Variants in CFAP299 observed in about 807,000 individuals in gnomAD.
The protein encoded by CFAP299 is cilia- and flagella-associated protein 299.
In CFAP299, 21 loss-of-function variants were observed where a neutral mutation model predicts 27.0. The ratio of observed to expected loss-of-function variants is 0.78; its 90% CI spans 0.55 to 1.12. The LOEUF (loss-of-function observed/expected upper bound fraction) is 1.12, where lower values mean the gene tolerates loss of function less well. CFAP299 is among the 50% of genes most tolerant of loss of function. The pLI is 0.00. For synonymous variants in CFAP299, 104 were observed against 98.1 expected (o/e 1.06, Z -0.36); for missense variants, 310 against 276.6 (o/e 1.12, Z -0.86).
chr4:80,553,582 T>C (rs1367093225), intron 2 of CFAP299, among the ~76,000 whole-genome samples: 1 of 152,214 alleles, frequency 6.6e-6, no homozygotes, highest in Non-Finnish European at 1.5e-5. Context: ...GGAATCACCA[T>C]ACTGCTTTCC....
chr4:80,606,407 C>T (rs1017697675), intron 3 of CFAP299, among the ~76,000 whole-genome samples: 5 of 151,942 alleles, frequency 3.3e-5, no homozygotes, highest in Non-Finnish European at 7.4e-5. Flanking sequence ...TGGTGGCAGG[C>T]GCCTGTAATC....
chr4:80,854,701 G>A (rs1731723822), intron 3 of CFAP299, among the ~76,000 whole-genome samples: 1 of 149,270 alleles, frequency 6.7e-6, no homozygotes, highest in Admixed American at 6.8e-5. Flanking sequence ...AGTTTGATGA[G>A]AGAGAAGATA....
At chr4:80,346,073 T>C (rs976397149) in intron 1 of CFAP299, among the ~76,000 whole-genome samples, 1 of 152,258 alleles carries the variant, frequency 6.6e-6, no homozygotes, top group African/African-American at 2.4e-5. Context: ...AAATGTCTTC[T>C]TTTGAGAAGT....
chr4:80,700,970 A>G (rs139443820), intron 3 of CFAP299, among the ~76,000 whole-genome samples: 2 of 152,168 alleles, frequency 1.3e-5, no homozygotes, highest in Admixed American at 1.3e-4. Flanking sequence ...TTATCTTTAT[A>G]GATCCTCAGA....
intron 3 of CFAP299, among the ~76,000 whole-genome samples, chr4:80,732,072 C>CACACAG (rs778896134): frequency 4.2e-4 from 59 of 139,978 alleles, no homozygotes; most frequent in African/African-American, 1.6e-3. Flanking sequence ...GACACACAGA[C>CACACAG]ACACACACAC....
chr4:80,688,114 G>A (rs1395146035), intron 3 of CFAP299, among the ~76,000 whole-genome samples: 1 of 152,238 alleles, frequency 6.6e-6, no homozygotes, highest in African/African-American at 2.4e-5. Flanking sequence ...GGCTGGGGGA[G>A]GGGCGCCCGC....
At chr4:80,473,156 CAG>C (rs1730093124) in intron 2 of CFAP299, among the ~76,000 whole-genome samples, 1 of 152,048 alleles carries the variant, frequency 6.6e-6, no homozygotes, top group African/African-American at 2.4e-5. Context: ...CCTGGGAACT[CAG>C]AGGAGGCACC....
At chr4:80,917,119 C>G (rs1735806247) in intron 4 of CFAP299, among the ~76,000 whole-genome samples, 1 of 152,028 alleles carries the variant, frequency 6.6e-6, no homozygotes, top group South Asian at 2.1e-4. Context: ...AAATTTCTAA[C>G]AGGGTGGTAC....
intron 3 of CFAP299, among the ~76,000 whole-genome samples, chr4:80,646,131 C>G (rs570797418): frequency 2.6e-5 from 4 of 152,124 alleles, no homozygotes; most frequent in Non-Finnish European, 5.9e-5. Context: ...AACAATTTAA[C>G]TACCAAGCCA....
the CFAP299 span, among the ~76,000 whole-genome samples, chr4:80,321,721 G>A: frequency 6.7e-3 from 1,019 of 152,312 alleles, 3 homozygotes; most frequent in Middle Eastern, 0.02. Context: ...AATCCCATGA[G>A]TGCAGATCAT....
At chr4:80,870,492 T>G in intron 4 of CFAP299, 7 of 993,902 alleles carry the variant, frequency 7.0e-6, no homozygotes, top group Non-Finnish European at 8.4e-6. Context: ...TCCTCCACTT[T>G]TCTTTGGTCA....
intron 3 of CFAP299, among the ~76,000 whole-genome samples, chr4:80,853,700 A>C (rs866550092): frequency 3.9e-5 from 6 of 152,222 alleles, no homozygotes; most frequent in African/African-American, 1.4e-4. Context: ...TGTTGAAGGT[A>C]GAGGCAACAA....
intron 3 of CFAP299, among the ~76,000 whole-genome samples, chr4:80,782,604 A>G (rs1199765027): frequency 7.8e-6 from 1 of 128,022 alleles, no homozygotes. Flanking sequence ...TATATAATAT[A>G]CATATATTAA....
the CFAP299 span, among the ~76,000 whole-genome samples, chr4:80,327,824 G>A: frequency 6.7e-6 from 1 of 149,562 alleles, no homozygotes; most frequent in Non-Finnish European, 1.5e-5. Flanking sequence ...AATTAGAAGA[G>A]GTGTGGGCCC....
At chr4:80,569,556 T>A (rs1735480699) in intron 2 of CFAP299, among the ~76,000 whole-genome samples, 1 of 152,066 alleles carries the variant, frequency 6.6e-6, no homozygotes, top group Non-Finnish European at 1.5e-5. Context: ...AAAATCTGCA[T>A]GTCAAATTAA....
chr4:80,856,499 A>G (rs1289436028), intron 3 of CFAP299, among the ~76,000 whole-genome samples: 11 of 152,112 alleles, frequency 7.2e-5, no homozygotes, highest in African/African-American at 2.4e-4. Context: ...CCTGAATGGT[A>G]ATGCCTAGGT....
chr4:80,579,822 T>C (rs1056444747), intron 2 of CFAP299, among the ~76,000 whole-genome samples: 6 of 152,094 alleles, frequency 3.9e-5, no homozygotes, highest in Non-Finnish European at 8.8e-5. Context: ...GACATATATC[T>C]ATATATAATT....
Position 80,637,780 on chromosome 4 carries a change from C to A in CFAP299, c.333+54597C>A, listed in dbSNP as rs550371774. Among the ~76,000 whole-genome samples, 3 of 152,204 alleles carry A rather than the reference C, an allele frequency of 2.0e-5. No homozygotes were observed. The East Asian group carries it at 5.8e-4, about 29-fold the overall frequency. On this transcript the variant is annotated intron_variant, in intron 3 of 5. Transcript: ENST00000358105. ...AAGAGTAATTAACAAAAGCATATAA[C>A]CTCTATCATGTCCTTCAAAAACTAA...
intron 2 of CFAP299, among the ~76,000 whole-genome samples, chr4:80,417,128 C>T (rs1037484106): frequency 1.3e-5 from 2 of 152,140 alleles, no homozygotes; most frequent in Non-Finnish European, 2.9e-5. Context: ...GAGTTTCTCA[C>T]CTTTTTAGAC....
Sources: allele counts gnomAD v4.1 joint callset (sites outside exome capture counted in the v4.1 genomes callset), GRCh38; gene constraint gnomAD v4.1.1; transcripts MANE v1.5; gene names NCBI Gene and HGNC (gene_info 2026-07-23, HGNC 2026-07-21).